The following PLCE1 variants were observed in gnomAD, a reference collection of about 807,000 sequenced individuals.
The protein encoded by PLCE1 is 1-phosphatidylinositol 4,5-bisphosphate phosphodiesterase epsilon-1.
Under a neutral mutation model 242.8 loss-of-function variants are expected in PLCE1, and 119 were observed. That is an observed-to-expected ratio of 0.49 (90% CI 0.42 to 0.57). PLCE1 has a LOEUF of 0.57. Among genes scored for constraint, PLCE1 ranks in the 20% least tolerant of loss-of-function variants. The probability of loss-of-function intolerance (pLI) is 0.00; values close to 1 mark genes in which losing one functional copy is unlikely to be tolerated. For missense variants in PLCE1, 2,441 were observed against 2,788.8 expected, an observed-to-expected ratio of 0.88 and a Z score of 2.81; for synonymous variants, 945 against 1,017.4, an observed-to-expected ratio of 0.93 and a Z score of 1.35.
Position 94,252,479 on chromosome 10 carries a change from A to G in PLCE1, c.3260A>G (p.Lys1087Arg), listed in dbSNP as rs2050913614. ...NTLGISTTKK[K>R]KKILMRGESG... ...CTGGGCATAAGCACTACCAAGAAAA[A>G]GAAGAAAATCCTCATGAGGGTAGAG... is the stretch of plus-strand genomic sequence containing the variant. The change falls in exon 9 of 33, where the codon AAG (lysine) becomes AGG (arginine). Residue 1087 changes from lysine (K) to arginine (R), a missense_variant. Lys to Arg is a conservative substitution (Grantham distance 26). Around this residue, in one of 5 missense-constraint regions of PLCE1, gnomAD observed 1,004 missense variants for 1,322.7 expected, o/e 0.76. Coordinates refer to ENST00000371380, the MANE Select transcript of PLCE1 (RefSeq NM_016341.4). The G allele has an allele frequency of 6.2e-7, 1 of 1,613,746 alleles. No individual in the cohort carries two copies. Among genetic ancestry groups the G allele is most frequent in the African/African-American group, 1.3e-5 (1 of 75,042 alleles).
In PLCE1 at chr10:94,031,135, G is replaced by C. The variant is rs2061548891; in HGVS notation, c.89G>C (p.Ser30Thr). Residue 30 changes from serine to threonine, a missense_variant, in exon 2 of 33, where the codon AGT (serine) becomes ACT (threonine). Transcript: ENST00000371380. ...GCCCAGTCGGCTGCAGATGAAAGTA[G>C]TGAAAAGGTCTCAGACATCAATATT... ...VSAQSAADESSEKVSDINISK... is the reference protein window; with the variant it reads ...VSAQSAADESTEKVSDINISK... 1 of 1,613,852 alleles carries C rather than the reference G, an allele frequency of 6.2e-7. No individual in the cohort carries two copies. The highest frequency in any genetic ancestry group is 8.5e-7 in the Non-Finnish European group (1 of 1,179,846).
At position 94,329,446 on chromosome 10, in the gene PLCE1, T is replaced by C. The variant is rs1180061325; in HGVS notation, c.*1503T>C. On this transcript the variant is annotated 3_prime_UTR_variant, in exon 33 of 33. Coordinates refer to ENST00000371380, the MANE Select transcript of PLCE1 (RefSeq NM_016341.4). ...TTAACCAATTATAAAAATAAAACCA[T>C]CCCCATGTGTTTCTTGCATATTCTA... The C allele has an allele frequency of 6.6e-6, 1 of 152,104 alleles. No homozygotes were observed. Among genetic ancestry groups the C allele is most frequent in the African/African-American group, 2.4e-5 (1 of 41,422 alleles). The allele number at this position is 152,104 out of a possible 1,614,324, so 9.4% of individuals were successfully genotyped here.
At chr10:94,106,912 T>TTCTCTTTCTCTCTCTCTCTCTCTCTC (rs1392359262) in intron 2 of PLCE1, among the ~76,000 whole-genome samples, 54 of 38,768 alleles carry the variant, frequency 1.4e-3, no homozygotes, top group Admixed American at 2.0e-3. Flanking sequence ...TGTCTCTTGT[T>TTCTCTTTCTCTCTCTCTCTCTCTCTC]TCTCTCTCTC....
intron 5 of PLCE1, among the ~76,000 whole-genome samples, chr10:94,231,672 T>C (rs2050149651): frequency 6.6e-6 from 1 of 152,036 alleles, no homozygotes; most frequent in Admixed American, 6.5e-5. Context: ...GAAGACAATT[T>C]TTCCACAGAC....
At chr10:94,283,528 G>T (rs988191803) in intron 20 of PLCE1, 4 of 365,214 alleles carry the variant, frequency 1.1e-5, no homozygotes, top group African/African-American at 4.2e-5. Flanking sequence ...ATGTCTATAT[G>T]CCAGATTATT....
chr10:94,079,963 A>T (rs1282283871), intron 2 of PLCE1, among the ~76,000 whole-genome samples: 2 of 152,240 alleles, frequency 1.3e-5, no homozygotes, highest in Non-Finnish European at 2.9e-5. Flanking sequence ...TTTCAAGTTT[A>T]TAGCTGATTT....
rs2053203914 is a variant in PLCE1 at position 94,306,312 on chromosome 10, T to G, written c.5623-115T>G. ...TTAAACAGTTTTATTCATCATTCACTTTGTCCATTCCAGTGTTCTTGGGAT... is the reference window on the plus strand; with the variant it reads ...TTAAACAGTTTTATTCATCATTCACGTTGTCCATTCCAGTGTTCTTGGGAT... On this transcript the variant is annotated intron_variant, in intron 25 of 32. Coordinates refer to ENST00000371380, the MANE Select transcript of PLCE1 (RefSeq NM_016341.4). This position sits in a 1 kb window ranked among gnomAD's most constrained non-coding sequence, Gnocchi z 5.7. 1 of 1,556,506 alleles carries G rather than the reference T, an allele frequency of 6.4e-7. No homozygotes were observed. The highest frequency in any genetic ancestry group is 2.2e-5 in the East Asian group (1 of 44,536).
intron 3 of PLCE1, among the ~76,000 whole-genome samples, chr10:94,153,825 C>A (rs1375183779): frequency 6.6e-6 from 1 of 152,034 alleles, no homozygotes; most frequent in Non-Finnish European, 1.5e-5. Context: ...AAAAAAAGTG[C>A]AAGACTTATA....
Position 94,121,412 on chromosome 10 carries a change from G to A in PLCE1, c.1207-10762G>A, listed in dbSNP as rs573443312. ...ATCACCTTCAGAATGCTACCAAATA[G>A]CTAGGAGGGATGAAGGCAGATGGTG... On this transcript the variant is annotated intron_variant, in intron 2 of 32. Transcript: ENST00000371380. Among the ~76,000 whole-genome samples, 5 of 152,282 alleles carry A rather than the reference G, an allele frequency of 3.3e-5. No homozygotes were observed. The South Asian group carries it at 6.2e-4, about 19-fold the overall frequency.
At chr10:94,155,493 G>A (rs1179625807) in intron 3 of PLCE1, 2 of 152,170 alleles carry the variant, frequency 1.3e-5, no homozygotes, top group African/African-American at 2.4e-5. Context: ...GACTGGGGGA[G>A]TGGAGTGATG....
At chr10:94,110,113 A>C (rs1194343255) in intron 2 of PLCE1, among the ~76,000 whole-genome samples, 1 of 111,578 alleles carries the variant, frequency 9.0e-6, no homozygotes, top group Non-Finnish European at 1.6e-5. Context: ...CCCAGGCTGG[A>C]GTGCAGTGGT....
At chr10:94,115,149 T>G (rs1160260350) in intron 2 of PLCE1, among the ~76,000 whole-genome samples, 1 of 152,238 alleles carries the variant, frequency 6.6e-6, no homozygotes, top group East Asian at 1.9e-4. Flanking sequence ...TGCCACATTT[T>G]CTTAATCCAG....
intron 1 of PLCE1, among the ~76,000 whole-genome samples, chr10:94,000,817 G>C (rs1206147787): frequency 6.6e-6 from 1 of 152,208 alleles, no homozygotes; most frequent in Admixed American, 6.5e-5. Context: ...GCGCCCTGAA[G>C]TCTCTGAAGT....
At chr10:94,308,222 G>A (rs2053270561) in intron 26 of PLCE1, among the ~76,000 whole-genome samples, 1 of 152,194 alleles carries the variant, frequency 6.6e-6, no homozygotes, top group African/African-American at 2.4e-5. Flanking sequence ...TTGTGGGAAT[G>A]TTCTATTATC....
intron 5 of PLCE1, among the ~76,000 whole-genome samples, chr10:94,230,744 G>A (rs2050115157): frequency 6.6e-6 from 1 of 152,088 alleles, no homozygotes; most frequent in Non-Finnish European, 1.5e-5. Context: ...AAGTAGCTAG[G>A]TCTACAAGGA....
At chr10:94,041,670 C>T (rs928053534) in intron 2 of PLCE1, among the ~76,000 whole-genome samples, 1 of 152,146 alleles carries the variant, frequency 6.6e-6, no homozygotes, top group Non-Finnish European at 1.5e-5. Context: ...GCTTCCTAGA[C>T]AGAATTTTCC....
At chr10:94,152,598 G>T (rs954243998) in intron 3 of PLCE1, among the ~76,000 whole-genome samples, 58 of 152,204 alleles carry the variant, frequency 3.8e-4, no homozygotes, top group African/African-American at 1.3e-3. Context: ...ATTTGGACAA[G>T]TTACTTAACA....
chr10:94,188,916 T>A (rs1196000645), intron 4 of PLCE1, among the ~76,000 whole-genome samples: 1 of 151,968 alleles, frequency 6.6e-6, no homozygotes, highest in Non-Finnish European at 1.5e-5. Context: ...TGTATAGCAT[T>A]TTGATAGACA....
intron 29 of PLCE1, among the ~76,000 whole-genome samples, chr10:94,317,331 A>G (rs565823901): frequency 2.6e-5 from 4 of 152,142 alleles, no homozygotes; most frequent in Non-Finnish European, 2.9e-5. Flanking sequence ...AACATACCTT[A>G]TAAGATAAAG....
Sources: allele counts gnomAD v4.1 joint callset (sites outside exome capture counted in the v4.1 genomes callset), GRCh38; gene constraint gnomAD v4.1.1; regional missense constraint gnomAD v4.1.1; non-coding constraint Gnocchi (gnomAD v3.1); transcripts MANE v1.5; gene names NCBI Gene and HGNC (gene_info 2026-07-23, HGNC 2026-07-21).